Variants in ATP2B4 observed in about 807,000 individuals in gnomAD.
ATP2B4 encodes ATPase plasma membrane Ca2+ transporting 4.
A neutral mutation model predicts 110.3 loss-of-function variants in ATP2B4; 39 were observed. That is an observed-to-expected ratio of 0.35 (90% CI 0.27 to 0.46). The LOEUF (loss-of-function observed/expected upper bound fraction) is 0.46, where lower values mean the gene tolerates loss of function less well. ATP2B4 is among the 20% of genes least tolerant of loss of function. ATP2B4 has a pLI of 1.00. For synonymous variants in ATP2B4, 538 were observed against 571.7 expected (o/e 0.94, Z 0.84); for missense variants, 1,135 against 1,530.9 (o/e 0.74, Z 4.32).
chr1:203,733,196 G>A, intron 20 of ATP2B4: 1 of 1,597,298 alleles, frequency 6.3e-7, no homozygotes, highest in Non-Finnish European at 8.5e-7. Context: ...GTGGAGCAAA[G>A]CTGTCTCACT....
At chr1:203,730,695 C>T (rs1558056330) in intron 20 of ATP2B4, among the ~76,000 whole-genome samples, 2 of 152,184 alleles carry the variant, frequency 1.3e-5, no homozygotes, top group South Asian at 4.1e-4. Flanking sequence ...TGACTATGCC[C>T]CTCTCTACAA....
intron 1 of ATP2B4, among the ~76,000 whole-genome samples, chr1:203,627,546 TC>T (rs927798001): frequency 3.3e-5 from 5 of 151,848 alleles, no homozygotes; most frequent in Admixed American, 2.0e-4. Flanking sequence ...TTATCTCCCC[TC>T]CCTCAACCCA....
At chr1:203,721,127 G>A in intron 16 of ATP2B4, 70 bp from the exon 17 acceptor site, 3 of 1,524,986 alleles carry the variant, frequency 2.0e-6, no homozygotes, top group Non-Finnish European at 2.7e-6. Context: ...GTGGGAGCTG[G>A]GCCATCGACA....
chr1:203,665,058 A>G (rs934848571), intron 1 of ATP2B4, among the ~76,000 whole-genome samples: 2 of 152,120 alleles, frequency 1.3e-5, no homozygotes, highest in Non-Finnish European at 2.9e-5. Context: ...TGACCTCGTG[A>G]TCTGCCCACC....
At chr1:203,643,453 C>A (rs1428384846) in intron 1 of ATP2B4, among the ~76,000 whole-genome samples, 1 of 152,204 alleles carries the variant, frequency 6.6e-6, no homozygotes, top group African/African-American at 2.4e-5. Context: ...CCTGGATAAA[C>A]AAGCAAGAGA....
chr1:203,648,597 G>C lies in ATP2B4; in HGVS notation c.-465+21378G>C, dbSNP rs535618853. 6.6e-5 allele frequency among the ~76,000 whole-genome samples: 10 copies of C among 152,332 alleles called. No homozygotes were observed. In the East Asian group the frequency reaches 1.9e-3, roughly 29 times the overall value. On this transcript the variant is annotated intron_variant, in intron 1 of 20. Coordinates refer to ENST00000357681, the MANE Select transcript of ATP2B4 (RefSeq NM_001684.5). Reference sequence around the variant, plus strand: ...TGGCCTCCATGACAGATACAGGCTTGTCCAAGGCACCTGTTCGGTGCAGGA... The same window carrying C: ...TGGCCTCCATGACAGATACAGGCTTCTCCAAGGCACCTGTTCGGTGCAGGA...
At chr1:203,703,284 T>G (rs1454756106) in intron 7 of ATP2B4, among the ~76,000 whole-genome samples, 1 of 152,166 alleles carries the variant, frequency 6.6e-6, no homozygotes, top group Non-Finnish European at 1.5e-5. Flanking sequence ...AGATTCACTA[T>G]TTTAAGCACT....
intron 2 of ATP2B4, among the ~76,000 whole-genome samples, chr1:203,684,050 ATGT>A (rs889903270): frequency 6.6e-6 from 1 of 152,152 alleles, no homozygotes; most frequent in Non-Finnish European, 1.5e-5. Context: ...TATGTTATAA[ATGT>A]TGTTGTCAGT....
At chr1:203,657,129 C>T (rs1299997525) in intron 1 of ATP2B4, 14 of 834,282 alleles carry the variant, frequency 1.7e-5, no homozygotes, top group African/African-American at 5.0e-5. Context: ...CAGTTGTATA[C>T]GGTGGGGATG....
At position 203,739,941 on chromosome 1, in the gene ATP2B4, G is replaced by T; in HGVS notation, c.*87G>T. On this transcript the variant is annotated 3_prime_UTR_variant, in exon 21 of 21. Coordinates refer to ENST00000357681, the MANE Select transcript of ATP2B4 (RefSeq NM_001684.5). ...TGAGGTGATGATGGGACTTTTCATT[G>T]TCACGTCAGCTGCTGTGTTAACAGC... is the stretch of plus-strand genomic sequence containing the variant. 1 of 1,353,394 alleles carries T rather than the reference G, an allele frequency of 7.4e-7. No individual in the cohort carries two copies. The highest frequency in any genetic ancestry group is 1.4e-5 in the South Asian group (1 of 69,546). 83.8% of individuals were successfully genotyped at this position (1,353,394 alleles called of 1,614,324 possible).
At chr1:203,700,124 G>T (rs781017024) in intron 4 of ATP2B4, 82 bp from the exon 5 acceptor site, 85 of 1,501,456 alleles carry the variant, frequency 5.7e-5, no homozygotes, top group Non-Finnish European at 6.6e-5. Flanking sequence ...CATGAGATAG[G>T]GTTGAAGGAG....
At chr1:203,702,126 A>G in intron 7 of ATP2B4, 47 bp downstream of exon 7, 1 of 1,604,768 alleles carries the variant, frequency 6.2e-7, no homozygotes, top group Non-Finnish European at 8.5e-7. Flanking sequence ...GCCCACACTC[A>G]AACCAGACCT....
chr1:203,657,870 T>C (rs937871698), intron 1 of ATP2B4: 4 of 333,544 alleles, frequency 1.2e-5, no homozygotes, highest in African/African-American at 8.7e-5. Flanking sequence ...TCACCCTTTT[T>C]TAAAAATATT....
chr1:203,630,369 C>CTCTCTT (rs1491269546), intron 1 of ATP2B4, among the ~76,000 whole-genome samples: 1 of 14,960 alleles, frequency 6.7e-5, no homozygotes, highest in Non-Finnish European at 3.2e-4. Context: ...CTCTCTCTCT[C>CTCTCTT]TTTTTTTTTT....
At chr1:203,725,550 T>C (rs1666483691) in intron 19 of ATP2B4, among the ~76,000 whole-genome samples, 1 of 152,230 alleles carries the variant, frequency 6.6e-6, no homozygotes, top group South Asian at 2.1e-4. Context: ...TGTTAATTAG[T>C]GAATCAGTTA....
Position 203,672,010 on chromosome 1 carries a change from G to A in ATP2B4, c.-464-10732G>A, listed in dbSNP as rs530833003. ...ATGTCTTCCTCCCTTGATAGTGGCA[G>A]CTGGTGGGGGCTGGGGGGAGGGAGG... On this transcript the variant is annotated intron_variant, in intron 1 of 20. Transcript: ENST00000357681. Among the ~76,000 whole-genome samples the A allele has an allele frequency of 3.3e-4, 51 of 152,314 alleles. 1 individual carries two copies. The highest frequency in any genetic ancestry group is 1.2e-3 in the African/African-American group (50 of 41,570).
intron 2 of ATP2B4, among the ~76,000 whole-genome samples, chr1:203,696,814 G>A (rs1204468583): frequency 6.6e-6 from 1 of 152,168 alleles, no homozygotes; most frequent in Non-Finnish European, 1.5e-5. Context: ...TATTGTGTAT[G>A]TGGTTTGTGT....
In ATP2B4 at chr1:203,683,043, C is replaced by G; in HGVS notation, c.-163C>G. 2 of 702,022 alleles carry G rather than the reference C, an allele frequency of 2.8e-6. No homozygotes were observed. The highest frequency in any genetic ancestry group is 2.2e-5 in the South Asian group (1 of 44,548). The allele number at this position is 702,022 out of a possible 1,614,324, so 43.5% of individuals were successfully genotyped here. ...AAAGGATCTAGACTTCGGACGGCTA[C>G]TCGGGAGCTTATTGCACAAGATATA... On this transcript the variant is annotated 5_prime_UTR_variant, in exon 2 of 21. Transcript: ENST00000357681.
chr1:203,663,997 A>G (rs1173074150), intron 1 of ATP2B4, among the ~76,000 whole-genome samples: 1 of 152,150 alleles, frequency 6.6e-6, no homozygotes. Context: ...TAACTGAGTG[A>G]GTCACTTCAC....
Sources: gnomAD v4.1 joint callset for allele counts (sites outside exome capture counted in the v4.1 genomes callset) on GRCh38, gnomAD v4.1.1 for gene constraint, MANE v1.5 for transcripts, NCBI Gene and HGNC (gene_info 2026-07-23, HGNC 2026-07-21) for gene names.